The following TMEM263 variants were observed in gnomAD, a reference collection of about 807,000 sequenced individuals.
TMEM263 encodes the protein transmembrane protein 263.
A neutral mutation model predicts 8.6 loss-of-function variants in TMEM263; 5 were observed. That is an observed-to-expected ratio of 0.58 (90% CI 0.31 to 1.23). The LOEUF is 1.23. Among genes scored for constraint, TMEM263 ranks in the 50% most tolerant of loss-of-function variants. The pLI is 0.07. For missense variants in TMEM263, 104 were observed against 138.8 expected (o/e 0.75, Z 1.26); for synonymous variants, 50 against 47.9 (o/e 1.04, Z -0.18).
intron 2 of TMEM263, among the ~76,000 whole-genome samples, chr12:106,958,304 TTTA>T (rs1383548185): frequency 6.6e-6 from 1 of 152,192 alleles, no homozygotes; most frequent in African/African-American, 2.4e-5. Flanking sequence ...TTTGGAATTT[TTTA>T]TTATGAATAA....
At chr12:106,968,842 C>T (rs891225312) in intron 3 of TMEM263, among the ~76,000 whole-genome samples, 3 of 152,168 alleles carry the variant, frequency 2.0e-5, no homozygotes, top group Admixed American at 2.0e-4. Context: ...GTTGTAGCCT[C>T]AAATCAGGAT....
At position 106,967,186 on chromosome 12, in the gene TMEM263, T is replaced by C; in HGVS notation, c.64+6T>C. On this transcript the variant is annotated splice_donor_region_variant and intron_variant, in intron 3 of 3. Coordinates refer to ENST00000280756, the MANE Select transcript of TMEM263 (RefSeq NM_152261.4). ...TAATGATGAACCACCAGAAGGTAAG[T>C]ATGCATCTGTAACACTAAGAATGGA... 1.3e-6 allele frequency: 2 copies of C among 1,530,486 alleles called. No individual in the cohort carries two copies. The highest frequency in any genetic ancestry group is 1.2e-5 in the South Asian group (1 of 84,718). The allele number at this position is 1,530,486 out of a possible 1,614,324, so 94.8% of individuals were successfully genotyped here.
rs1488847659 is a variant in TMEM263 at position 106,957,062 on chromosome 12, T to A, written c.-74-20T>A. On this transcript the variant is annotated intron_variant, in intron 1 of 3. Coordinates refer to ENST00000280756, the MANE Select transcript of TMEM263 (RefSeq NM_152261.4). Reference sequence around the variant, plus strand: ...AAAATATTTGCTATATGTGATTATTTGCTGTATGCTATTGTTTAGCCTTTG... The same window carrying A: ...AAAATATTTGCTATATGTGATTATTAGCTGTATGCTATTGTTTAGCCTTTG... 1.0e-6 allele frequency: 1 copy of A among 984,114 alleles called. No individual in the cohort carries two copies. The highest frequency in any genetic ancestry group is 5.2e-4 in the Middle Eastern group (1 of 1,936). The allele number at this position is 984,114 out of a possible 1,614,324, so 61.0% of individuals were successfully genotyped here.
rs1002680141 is a variant in TMEM263 at position 106,956,001 on chromosome 12, T to G, written c.-139T>G. 6.1e-6 allele frequency: 6 copies of G among 986,488 alleles called. No homozygotes were observed. Among genetic ancestry groups the G allele is most frequent in the Admixed American group, 1.2e-4 (2 of 16,286 alleles). The allele number at this position is 986,488 out of a possible 1,614,324, so 61.1% of individuals were successfully genotyped here. The stretch of plus-strand genomic sequence containing the variant: ...CCGCTGCCGCCCAGGCCGCCTCAGC[T>G]CTCCTCTGCGCCGGCCCGCTCACTC... On this transcript the variant is annotated 5_prime_UTR_variant, in exon 1 of 4. Transcript: ENST00000280756.
rs1348563905 is a variant in TMEM263, at chr12:106,961,369, C to T, written c.-7+4220C>T. On this transcript the variant is annotated intron_variant, in intron 2 of 3. Coordinates refer to ENST00000280756, the MANE Select transcript of TMEM263 (RefSeq NM_152261.4). ...GGGATTACAATATTTTCTTTTTATT[C>T]TACTTATCCCACAAATACTATCTGG... is the stretch of plus-strand genomic sequence containing the variant. 2.7e-5 allele frequency among the ~76,000 whole-genome samples: 4 copies of T among 149,556 alleles called. No homozygotes were observed. In the East Asian group the frequency reaches 8.0e-4, roughly 30 times the overall value.
intron 3 of TMEM263, among the ~76,000 whole-genome samples, chr12:106,969,503 G>C (rs2136776113): frequency 6.6e-6 from 1 of 152,226 alleles, no homozygotes; most frequent in East Asian, 1.9e-4. Context: ...GAGGTGGGTT[G>C]ATCACGAGGT....
At chr12:106,957,298 G>A in intron 2 of TMEM263, 149 bp downstream of exon 2, 1 of 396,560 alleles carries the variant, frequency 2.5e-6, no homozygotes, top group East Asian at 1.6e-4. Flanking sequence ...ATCCTGTTTT[G>A]CTTTTTCCAC....
At chr12:106,956,351 G>A (rs916899375) in intron 1 of TMEM263, among the ~76,000 whole-genome samples, 1 of 152,174 alleles carries the variant, frequency 6.6e-6, no homozygotes, top group East Asian at 1.9e-4. Context: ...TAGCATCTGG[G>A]GGTTCGGGGT....
intron 2 of TMEM263, among the ~76,000 whole-genome samples, chr12:106,958,309 T>C (rs1781114241): frequency 6.6e-6 from 1 of 152,122 alleles, no homozygotes; most frequent in South Asian, 2.1e-4. Flanking sequence ...AATTTTTTAT[T>C]ATGAATAAAA....
rs1951950167 is a variant in TMEM263, at chr12:106,973,252, T to A, written c.*1861T>A. On this transcript the variant is annotated 3_prime_UTR_variant, in exon 4 of 4. Transcript: ENST00000280756. The stretch of plus-strand genomic sequence containing the variant: ...CAGCAAACGGGATTAAAAAAAAAAC[T>A]CCAAAATCACTAAATAATTATCTAA... 6.6e-6 allele frequency: 1 copy of A among 152,390 alleles called. No individual in the cohort carries two copies. Among genetic ancestry groups the A allele is most frequent in the African/African-American group, 2.4e-5 (1 of 41,418 alleles). The allele number at this position is 152,390 out of a possible 1,614,324, so 9.4% of individuals were successfully genotyped here.
At chr12:106,957,273 G>A (rs1951711782) in intron 2 of TMEM263, 124 bp downstream of exon 2, 2 of 612,896 alleles carry the variant, frequency 3.3e-6, no homozygotes, top group African/African-American at 1.9e-5. Flanking sequence ...AGTAGCCTTT[G>A]ATAAACCCAT....
chr12:106,963,921 C>T (rs945332722), intron 2 of TMEM263, among the ~76,000 whole-genome samples: 3 of 152,142 alleles, frequency 2.0e-5, no homozygotes, highest in Admixed American at 6.5e-5. Flanking sequence ...GTCATAATCA[C>T]ACCTATTTTT....
At chr12:106,959,004 T>C (rs1362675006) in intron 2 of TMEM263, among the ~76,000 whole-genome samples, 1 of 152,248 alleles carries the variant, frequency 6.6e-6, no homozygotes, top group Non-Finnish European at 1.5e-5. Flanking sequence ...TCTTGAATGA[T>C]TCACTAAATG....
intron 3 of TMEM263, among the ~76,000 whole-genome samples, chr12:106,967,754 C>G (rs191126482): frequency 2.2e-4 from 34 of 152,082 alleles, no homozygotes; most frequent in Admixed American, 6.6e-4. Flanking sequence ...GTATAAGTAT[C>G]CTTTCATTTG....
At chr12:106,968,357 CAG>C (rs1248160397) in intron 3 of TMEM263, among the ~76,000 whole-genome samples, 1 of 147,410 alleles carries the variant, frequency 6.8e-6, no homozygotes, top group Admixed American at 7.0e-5. Context: ...GCCTGGGCGA[CAG>C]AGTGAGACTC....
At chr12:106,957,312 C>A (rs1011620378) in intron 2 of TMEM263, among the ~76,000 whole-genome samples, 163 bp downstream of exon 2, 1 of 152,158 alleles carries the variant, frequency 6.6e-6, no homozygotes, top group African/African-American at 2.4e-5. Context: ...TTTCCACTTT[C>A]ATTTCTTTAG....
intron 3 of TMEM263, among the ~76,000 whole-genome samples, chr12:106,967,875 AT>A (rs1951866674): frequency 6.6e-6 from 1 of 152,180 alleles, no homozygotes; most frequent in African/African-American, 2.4e-5. Flanking sequence ...TTAAACTCCT[AT>A]TATTCATTAT....
At chr12:106,971,000 C>A in intron 3 of TMEM263, 105 bp from the exon 4 acceptor site, 2 of 1,212,462 alleles carry the variant, frequency 1.6e-6, no homozygotes, top group Non-Finnish European at 2.3e-6. Context: ...CTTATCAAAT[C>A]AACCTCCTGT....
intron 1 of TMEM263, among the ~76,000 whole-genome samples, chr12:106,956,417 G>A (rs1951691844): frequency 6.6e-6 from 1 of 152,220 alleles, no homozygotes; most frequent in South Asian, 2.1e-4. Context: ...GGATGCAGCG[G>A]AGGGGCTTGG....
Sources: allele counts gnomAD v4.1 joint callset (sites outside exome capture counted in the v4.1 genomes callset), GRCh38; gene constraint gnomAD v4.1.1; transcripts MANE v1.5; gene names NCBI Gene and HGNC (gene_info 2026-07-23, HGNC 2026-07-21).